CSMD1: variants seen among roughly 807,000 people sequenced by gnomAD.
CSMD1 encodes CUB and sushi domain-containing protein 1.
Under a neutral mutation model 417.5 loss-of-function variants are expected in CSMD1, and 213 were observed. The ratio of observed to expected loss-of-function variants is 0.51; its 90% CI spans 0.46 to 0.57. The LOEUF (loss-of-function observed/expected upper bound fraction) is 0.57. CSMD1 is among the 20% of genes least tolerant of loss of function. CSMD1 has a pLI of 0.00. For synonymous variants in CSMD1, 2,862 were observed against 1,736.8 expected, an observed-to-expected ratio of 1.65 and a Z score of -16.11; for missense variants, 6,923 against 4,529.7, an observed-to-expected ratio of 1.53 and a Z score of -15.17.
chr8:3,167,546 A>G (rs1298120971), intron 37 of CSMD1, among the ~76,000 whole-genome samples: 1 of 152,214 alleles, frequency 6.6e-6, no homozygotes, highest in African/African-American at 2.4e-5. Context: ...ATACAATATT[A>G]TCCACTGATA....
chr8:4,358,594 C>T (rs10097170), intron 3 of CSMD1, among the ~76,000 whole-genome samples: 8,254 of 152,164 alleles, frequency 0.054, 248 homozygotes, highest in South Asian at 0.091. Context: ...AAAAAGTGTG[C>T]TGAAAGTAAT....
intron 3 of CSMD1, among the ~76,000 whole-genome samples, chr8:4,172,618 C>A (rs1339437889): frequency 1.3e-5 from 2 of 152,174 alleles, no homozygotes; most frequent in Admixed American, 6.5e-5. Flanking sequence ...ATGGAACCCA[C>A]CCTCCTGGTA....
chr8:4,287,069 G>T (rs77044435), intron 3 of CSMD1, among the ~76,000 whole-genome samples: 3 of 152,150 alleles, frequency 2.0e-5, no homozygotes, highest in Non-Finnish European at 4.4e-5. Context: ...TTAGTAACTT[G>T]AGAGAACAAA....
At chr8:4,064,025 C>A (rs143546113) in intron 3 of CSMD1, among the ~76,000 whole-genome samples, 142 of 152,316 alleles carry the variant, frequency 9.3e-4, no homozygotes, top group South Asian at 3.1e-3. Context: ...CTCAGATGCT[C>A]AACTGACACC....
intron 7 of CSMD1, among the ~76,000 whole-genome samples, chr8:3,687,623 G>C (rs573449880): frequency 1.3e-5 from 2 of 152,072 alleles, no homozygotes; most frequent in Non-Finnish European, 1.5e-5. Flanking sequence ...AGTGGGTTCC[G>C]AGCACTGTGC....
intron 1 of CSMD1, among the ~76,000 whole-genome samples, chr8:4,643,347 C>T (rs555053593): frequency 3.3e-4 from 50 of 152,170 alleles, no homozygotes; most frequent in Middle Eastern, 3.4e-3. Context: ...ACTGTGTAAA[C>T]GAGAACTTGA....
At chr8:3,436,767 A>T (rs890007630) in intron 12 of CSMD1, among the ~76,000 whole-genome samples, 4 of 152,190 alleles carry the variant, frequency 2.6e-5, no homozygotes, top group African/African-American at 4.8e-5. Context: ...AGTAAGGCTT[A>T]AAAAAAGATA....
chr8:4,598,521 C>G (rs1356862112), intron 2 of CSMD1, among the ~76,000 whole-genome samples: 1 of 152,108 alleles, frequency 6.6e-6, no homozygotes, highest in Admixed American at 6.6e-5. Context: ...GGTGTGGCTG[C>G]TTAGTTACAA....
chr8:4,355,416 A>G (rs180776311), intron 3 of CSMD1, among the ~76,000 whole-genome samples: 22 of 152,216 alleles, frequency 1.4e-4, no homozygotes, highest in Admixed American at 1.3e-3. Flanking sequence ...GAAGTAGCGA[A>G]TTCAGGTATC....
At chr8:4,166,644 T>C (rs529492871) in intron 3 of CSMD1, among the ~76,000 whole-genome samples, 11 of 152,092 alleles carry the variant, frequency 7.2e-5, no homozygotes, top group African/African-American at 1.7e-4. Flanking sequence ...AGACTGCATA[T>C]TGGGTACCGT....
At chr8:3,771,844 C>T (rs1584972985) in intron 5 of CSMD1, among the ~76,000 whole-genome samples, 1 of 152,206 alleles carries the variant, frequency 6.6e-6, no homozygotes, top group Middle Eastern at 3.4e-3. Flanking sequence ...CATTCTCACT[C>T]CTTGTCCTTG....
At chr8:3,390,389 T>A (rs1811280115) in intron 17 of CSMD1, among the ~76,000 whole-genome samples, 1 of 148,702 alleles carries the variant, frequency 6.7e-6, no homozygotes, top group South Asian at 2.1e-4. Context: ...AGGAATTTTG[T>A]AGCAGGTGAT....
intron 10 of CSMD1, among the ~76,000 whole-genome samples, chr8:3,540,590 C>A (rs775862418): frequency 2.0e-5 from 3 of 152,076 alleles, no homozygotes; most frequent in African/African-American, 4.8e-5. Flanking sequence ...TCTGAGTGAA[C>A]AGACAACCTA....
At chr8:4,188,861 A>C (rs1798845708) in intron 3 of CSMD1, among the ~76,000 whole-genome samples, 1 of 151,908 alleles carries the variant, frequency 6.6e-6, no homozygotes, top group South Asian at 2.1e-4. Flanking sequence ...ATGTTTCTGC[A>C]TTTGTTATTG....
intron 5 of CSMD1, among the ~76,000 whole-genome samples, chr8:3,945,752 A>G (rs1450475797): frequency 1.3e-5 from 2 of 152,100 alleles, no homozygotes; most frequent in South Asian, 2.1e-4. Flanking sequence ...AAACCAAGAA[A>G]TGGGCTGGAA....
intron 3 of CSMD1, among the ~76,000 whole-genome samples, chr8:4,376,296 A>C (rs75703400): frequency 0.059 from 8,937 of 152,250 alleles, 675 homozygotes; most frequent in African/African-American, 0.17. Flanking sequence ...CCATTGTAGA[A>C]AATTTAGAAA....
intron 7 of CSMD1, among the ~76,000 whole-genome samples, chr8:3,668,054 C>T (rs1444153203): frequency 6.6e-6 from 1 of 152,160 alleles, no homozygotes; most frequent in African/African-American, 2.4e-5. Flanking sequence ...CAAGGATGAG[C>T]CTTGCTCAGT....
At chr8:4,163,800 C>T (rs1274662632) in intron 3 of CSMD1, among the ~76,000 whole-genome samples, 1 of 152,184 alleles carries the variant, frequency 6.6e-6, no homozygotes, top group Non-Finnish European at 1.5e-5. Flanking sequence ...AGTGTCATTA[C>T]ATTTTAATTT....
intron 5 of CSMD1, among the ~76,000 whole-genome samples, chr8:3,871,373 G>C (rs751242638): frequency 4.0e-5 from 6 of 151,568 alleles, no homozygotes; most frequent in Non-Finnish European, 5.9e-5. Flanking sequence ...CTAAAATAAT[G>C]GATTAAAAAA....
Sources: gnomAD v4.1 joint callset for allele counts (sites outside exome capture counted in the v4.1 genomes callset) on GRCh38, gnomAD v4.1.1 for gene constraint, MANE v1.5 for transcripts, NCBI Gene and HGNC (gene_info 2026-07-23, HGNC 2026-07-21) for gene names.